Variants in ZNRF1 observed in about 807,000 individuals in gnomAD.
ZNRF1 encodes zinc and ring finger 1.
ZNRF1 carries 3 observed loss-of-function variants against 18.4 expected under a neutral mutation model. That is an observed-to-expected ratio of 0.16 (90% CI 0.07 to 0.42). ZNRF1 has a LOEUF of 0.42. Ranked by LOEUF, ZNRF1 falls within the 10% of genes least tolerant of loss-of-function variation. ZNRF1 has a pLI of 0.99. For synonymous variants in ZNRF1, 157 were observed against 144.2 expected (o/e 1.09, Z -0.64); for missense variants, 310 against 329.8 (o/e 0.94, Z 0.47).
chr16:75,101,470 C>CTT (rs2036255064), intron 2 of ZNRF1, among the ~76,000 whole-genome samples: 1 of 152,062 alleles, frequency 6.6e-6, no homozygotes, highest in Admixed American at 6.5e-5. Flanking sequence ...AGGAGAAACT[C>CTT]TTGAGGCGGA....
chr16:75,000,768 C>T (rs552457028), intron 1 of ZNRF1, among the ~76,000 whole-genome samples: 2 of 152,208 alleles, frequency 1.3e-5, no homozygotes, highest in African/African-American at 4.8e-5. Context: ...GGCTCCGCGA[C>T]TCTCGCCTCC....
At chr16:75,068,474 A>T (rs1292632751) in intron 1 of ZNRF1, among the ~76,000 whole-genome samples, 1 of 152,150 alleles carries the variant, frequency 6.6e-6, no homozygotes, top group Non-Finnish European at 1.5e-5. Context: ...CCCACAGCAG[A>T]GTCGGGAGTG....
chr16:75,031,246 C>G (rs2035299192), intron 1 of ZNRF1, among the ~76,000 whole-genome samples: 2 of 152,076 alleles, frequency 1.3e-5, no homozygotes, highest in African/African-American at 4.8e-5. Context: ...ATTCTCCTGC[C>G]TCAGCCTCCC....
intron 1 of ZNRF1, among the ~76,000 whole-genome samples, chr16:75,023,494 GC>G (rs1333701148): frequency 6.6e-6 from 1 of 152,140 alleles, no homozygotes. Context: ...GACCAGCCTG[GC>G]CAACATGGCC....
intron 1 of ZNRF1, among the ~76,000 whole-genome samples, chr16:75,068,422 C>CA (rs1329769746): frequency 6.6e-6 from 1 of 152,022 alleles, no homozygotes; most frequent in Non-Finnish European, 1.5e-5. Flanking sequence ...GCGGGGGGCA[C>CA]AAGCAGTGGA....
intron 1 of ZNRF1, among the ~76,000 whole-genome samples, chr16:75,009,559 T>C (rs1018798898): frequency 6.6e-6 from 1 of 152,360 alleles, no homozygotes; most frequent in Middle Eastern, 3.4e-3. Flanking sequence ...TTCCATATTT[T>C]AGCTATTGTA....
chr16:75,078,038 C>T (rs2035964242), intron 1 of ZNRF1, among the ~76,000 whole-genome samples: 1 of 152,168 alleles, frequency 6.6e-6, no homozygotes, highest in South Asian at 2.1e-4. Flanking sequence ...GTTTGGGGAG[C>T]CATTATTCTG....
chr16:75,016,161 C>T (rs1321008653), intron 1 of ZNRF1, among the ~76,000 whole-genome samples: 2 of 151,694 alleles, frequency 1.3e-5, no homozygotes, highest in Admixed American at 6.6e-5. Context: ...ACCTCGTGAC[C>T]CGTCCACCGC....
At chr16:75,104,530 C>T (rs1322136928) in intron 2 of ZNRF1, 1 of 329,368 alleles carries the variant, frequency 3.0e-6, no homozygotes, top group Admixed American at 4.7e-5. Context: ...TCCGCTGTCA[C>T]CTAGGCTTTT....
chr16:75,106,703 A>G (rs564423736), intron 4 of ZNRF1, 132 bp downstream of exon 4: 9 of 648,722 alleles, frequency 1.4e-5, no homozygotes, highest in African/African-American at 1.1e-4. Context: ...GGAGCACCTC[A>G]TCAGTGAGCA....
At position 75,074,115 on chromosome 16, in the gene ZNRF1, T is replaced by G. The variant is rs192940766; in HGVS notation, c.425-19457T>G. Among the ~76,000 whole-genome samples the G allele has an allele frequency of 7.0e-4, 107 of 152,274 alleles. 1 individual carries two copies. The highest frequency in any genetic ancestry group is 2.3e-3 in the African/African-American group (94 of 41,556). On this transcript the variant is annotated intron_variant, in intron 1 of 4. Coordinates refer to ENST00000335325, the MANE Select transcript of ZNRF1 (RefSeq NM_032268.5). Reference sequence around the variant, plus strand: ...AATGATTGAAACTCGTGCTGCTCCTTCCGCGTGCATGTGTAAAACGAGCCA... The same window carrying G: ...AATGATTGAAACTCGTGCTGCTCCTGCCGCGTGCATGTGTAAAACGAGCCA...
At chr16:75,014,489 C>G (rs2035040784) in intron 1 of ZNRF1, among the ~76,000 whole-genome samples, 1 of 152,180 alleles carries the variant, frequency 6.6e-6, no homozygotes, top group African/African-American at 2.4e-5. Flanking sequence ...TGCTATAGCA[C>G]ATTTATTTTC....
At chr16:75,009,229 C>T (rs2034963283) in intron 1 of ZNRF1, among the ~76,000 whole-genome samples, 1 of 152,188 alleles carries the variant, frequency 6.6e-6, no homozygotes, top group African/African-American at 2.4e-5. Flanking sequence ...ATCTACACTT[C>T]TGTGCTGGCT....
chr16:75,063,688 T>C (rs1567483419), intron 1 of ZNRF1, among the ~76,000 whole-genome samples: 1 of 152,210 alleles, frequency 6.6e-6, no homozygotes. Context: ...TGAAATTCAG[T>C]GGCTGTCAAA....
intron 1 of ZNRF1, chr16:75,000,372 C>G (rs1024467693): frequency 3.2e-6 from 2 of 627,970 alleles, no homozygotes; most frequent in African/African-American, 1.8e-5. Flanking sequence ...ATTGGCATCA[C>G]CCTCCTCAGA....
At chr16:75,023,747 G>A (rs562910025) in intron 1 of ZNRF1, among the ~76,000 whole-genome samples, 3 of 151,990 alleles carry the variant, frequency 2.0e-5, no homozygotes, top group Non-Finnish European at 4.4e-5. Context: ...AACAAGCTAT[G>A]TAGGAGGGAA....
intron 1 of ZNRF1, among the ~76,000 whole-genome samples, chr16:75,041,820 T>TA (rs1046229264): frequency 2.1e-5 from 3 of 146,138 alleles, no homozygotes; most frequent in African/African-American, 5.1e-5. Flanking sequence ...CCATCTCTAC[T>TA]AAAAAAAAAA....
chr16:75,088,232 G>C (rs2036096826), intron 1 of ZNRF1, among the ~76,000 whole-genome samples: 1 of 152,186 alleles, frequency 6.6e-6, no homozygotes, highest in Non-Finnish European at 1.5e-5. Flanking sequence ...CAATAGACTG[G>C]GAGAATCCTT....
chr16:75,067,978 T>G (rs1178530248), intron 1 of ZNRF1, among the ~76,000 whole-genome samples: 2 of 152,144 alleles, frequency 1.3e-5, no homozygotes, highest in Non-Finnish European at 2.9e-5. Context: ...TTTATCCTGC[T>G]TAATGTGAAT....
Sources: allele counts gnomAD v4.1 joint callset (sites outside exome capture counted in the v4.1 genomes callset), GRCh38; gene constraint gnomAD v4.1.1; transcripts MANE v1.5; gene names NCBI Gene and HGNC (gene_info 2026-07-23, HGNC 2026-07-21).